MEIS1: variants seen among roughly 807,000 people sequenced by gnomAD.
MEIS1 encodes the protein homeobox protein Meis1.
A neutral mutation model predicts 50.8 loss-of-function variants in MEIS1; 5 were observed. That is an observed-to-expected ratio of 0.10 (90% CI 0.05 to 0.21). The LOEUF (loss-of-function observed/expected upper bound fraction) is 0.21. Among genes scored for constraint, MEIS1 ranks in the 10% least tolerant of loss-of-function variants. The pLI, the probability that MEIS1 is intolerant of heterozygous loss-of-function variation, is 1.00. For missense variants in MEIS1, 318 were observed against 517.3 expected, an observed-to-expected ratio of 0.61 and a Z score of 3.74; for synonymous variants, 176 against 179.3, an observed-to-expected ratio of 0.98 and a Z score of 0.15.
chr2:66,446,172 C>T (rs1558521910), intron 6 of MEIS1, among the ~76,000 whole-genome samples: 1 of 152,136 alleles, frequency 6.6e-6, no homozygotes, highest in Admixed American at 6.5e-5. Flanking sequence ...TGTTTGGCTT[C>T]AGAGAACGAT....
At chr2:66,552,729 A>AT (rs1674951038) in intron 9 of MEIS1, among the ~76,000 whole-genome samples, 1 of 152,216 alleles carries the variant, frequency 6.6e-6, no homozygotes, top group Non-Finnish European at 1.5e-5. Context: ...TAATAAACAG[A>AT]TTCAGCTGTT....
At chr2:66,530,935 A>G (rs1674376480) in intron 8 of MEIS1, among the ~76,000 whole-genome samples, 1 of 152,250 alleles carries the variant, frequency 6.6e-6, no homozygotes, top group Non-Finnish European at 1.5e-5. Flanking sequence ...ATGTGAGTTC[A>G]ACAAAAACCA....
At chr2:66,496,221 T>C (rs1385270280) in intron 7 of MEIS1, 1 of 152,172 alleles carries the variant, frequency 6.6e-6, no homozygotes, top group Non-Finnish European at 1.5e-5. Flanking sequence ...TGTGACGTCA[T>C]CACTGAAAAC....
chr2:66,461,068 T>C (rs1383466351), intron 6 of MEIS1, among the ~76,000 whole-genome samples: 1 of 152,186 alleles, frequency 6.6e-6, no homozygotes, highest in Non-Finnish European at 1.5e-5. Flanking sequence ...CTTTGGGACT[T>C]AATTTAAAAC....
intron 9 of MEIS1, among the ~76,000 whole-genome samples, chr2:66,565,894 G>T (rs1404734075): frequency 6.6e-6 from 1 of 152,074 alleles, no homozygotes; most frequent in African/African-American, 2.4e-5. Flanking sequence ...TGCAGTGAAG[G>T]CAGCTAATGA....
At chr2:66,467,312 C>T (rs1161509999) in intron 7 of MEIS1, among the ~76,000 whole-genome samples, 1 of 151,924 alleles carries the variant, frequency 6.6e-6, no homozygotes, top group Non-Finnish European at 1.5e-5. Flanking sequence ...ATACAAAATC[C>T]ATGGCTGGGA....
Position 66,472,633 on chromosome 2 carries a change from T to C in MEIS1, c.742+8413T>C, listed in dbSNP as rs1019356415. On this transcript the variant is annotated intron_variant, in intron 7 of 12. Coordinates refer to ENST00000272369, the MANE Select transcript of MEIS1 (RefSeq NM_002398.3). ...CAACATGCCAATGACCCAGACATGG[T>C]GAACTCCGTGGTCAGGCCTGCTGGA... 4.6e-5 allele frequency among the ~76,000 whole-genome samples: 7 copies of C among 152,312 alleles called. No homozygotes were observed. The East Asian group carries it at 1.4e-3, about 29-fold the overall frequency.
At chr2:66,473,086 T>C (rs1672799933) in intron 7 of MEIS1, among the ~76,000 whole-genome samples, 1 of 151,954 alleles carries the variant, frequency 6.6e-6, no homozygotes. Context: ...AGTTGTAATA[T>C]AGTAATATAA....
chr2:66,482,889 G>T (rs906485226), intron 7 of MEIS1, among the ~76,000 whole-genome samples: 1 of 152,140 alleles, frequency 6.6e-6, no homozygotes, highest in African/African-American at 2.4e-5. Context: ...GATCAGAATG[G>T]AAGCAACCCA....
chr2:66,453,713 C>T (rs974546788), intron 6 of MEIS1, among the ~76,000 whole-genome samples: 1 of 151,770 alleles, frequency 6.6e-6, no homozygotes, highest in Non-Finnish European at 1.5e-5. Flanking sequence ...TTAGAAGATA[C>T]CCTATTAATA....
chr2:66,470,869 G>A (rs115848932), intron 7 of MEIS1, among the ~76,000 whole-genome samples: 1 of 152,166 alleles, frequency 6.6e-6, no homozygotes, highest in Non-Finnish European at 1.5e-5. Flanking sequence ...AAAAGAATAT[G>A]TAAAAGACAG....
At chr2:66,549,477 C>A (rs959418124) in intron 9 of MEIS1, among the ~76,000 whole-genome samples, 1 of 151,584 alleles carries the variant, frequency 6.6e-6, no homozygotes, top group African/African-American at 2.4e-5. Flanking sequence ...TTGGAAATTT[C>A]AAATATGTAA....
At position 66,483,672 on chromosome 2, in the gene MEIS1, G is replaced by C. The variant is rs144080632; in HGVS notation, c.742+19452G>C. Among the ~76,000 whole-genome samples, 30 of 152,268 alleles carry C rather than the reference G, an allele frequency of 2.0e-4. No individual in the cohort carries two copies. In the East Asian group the frequency reaches 4.2e-3, roughly 22 times the overall value. On this transcript the variant is annotated intron_variant, in intron 7 of 12. Coordinates refer to ENST00000272369, the MANE Select transcript of MEIS1 (RefSeq NM_002398.3). ...GATAAAATTCTTACCACAAGGCCTT[G>C]GGTCTACTGGATTCCTTTTAAACAA...
chr2:66,562,591 T>C (rs978053963), intron 9 of MEIS1, among the ~76,000 whole-genome samples: 1 of 152,152 alleles, frequency 6.6e-6, no homozygotes, highest in Admixed American at 6.5e-5. Flanking sequence ...TTTGCTCCCC[T>C]GCCAACTTTC....
At chr2:66,469,280 A>G (rs145443887) in intron 7 of MEIS1, among the ~76,000 whole-genome samples, 3 of 152,054 alleles carry the variant, frequency 2.0e-5, no homozygotes, top group South Asian at 2.1e-4. Context: ...TAATGTATCA[A>G]TAGTTGCAGT....
chr2:66,500,120 A>T (rs1300073980), intron 7 of MEIS1, among the ~76,000 whole-genome samples: 1 of 152,238 alleles, frequency 6.6e-6, no homozygotes, highest in Admixed American at 6.5e-5. Context: ...TCTAAATTAA[A>T]TGTAACTGTT....
At position 66,456,148 on chromosome 2, in the gene MEIS1, G is replaced by A. The variant is rs189675439; in HGVS notation, c.631-7961G>A. Among the ~76,000 whole-genome samples the A allele has an allele frequency of 2.5e-3, 374 of 151,976 alleles. 1 individual carries two copies. Among genetic ancestry groups the A allele is most frequent in the Non-Finnish European group, 3.1e-3 (211 of 67,996 alleles). ...TTTTTGTAGGTTTTATTTGTGGTACGTGAGAACTGGGAAATATGGAACTCT... is the reference window on the plus strand; with the variant it reads ...TTTTTGTAGGTTTTATTTGTGGTACATGAGAACTGGGAAATATGGAACTCT... On this transcript the variant is annotated intron_variant, in intron 6 of 12. Coordinates refer to ENST00000272369, the MANE Select transcript of MEIS1 (RefSeq NM_002398.3).
At chr2:66,457,161 ATTTTTT>A (rs5831810) in intron 6 of MEIS1, among the ~76,000 whole-genome samples, 1 of 140,096 alleles carries the variant, frequency 7.1e-6, no homozygotes, top group South Asian at 2.3e-4. Context: ...ATTTCTAGGG[ATTTTTT>A]TTTTTTTTTT....
intron 7 of MEIS1, among the ~76,000 whole-genome samples, chr2:66,479,607 T>C (rs1217534820): frequency 6.6e-6 from 1 of 152,208 alleles, no homozygotes; most frequent in Admixed American, 6.5e-5. Context: ...AATAGACTTA[T>C]GGTGCCAAAA....
Sources: allele counts gnomAD v4.1 joint callset (sites outside exome capture counted in the v4.1 genomes callset), GRCh38; gene constraint gnomAD v4.1.1; transcripts MANE v1.5; gene names NCBI Gene and HGNC (gene_info 2026-07-23, HGNC 2026-07-21).